Variants in MBP observed in about 807,000 individuals in gnomAD.
MBP encodes the protein Golli-MBP.
MBP carries 16 observed loss-of-function variants against 35.8 expected under a neutral mutation model. That is an observed-to-expected ratio of 0.45 (90% CI 0.30 to 0.68). The LOEUF (loss-of-function observed/expected upper bound fraction) is 0.68. Ranked by LOEUF, MBP falls within the 30% of genes least tolerant of loss-of-function variation. The pLI, the probability that MBP is intolerant of heterozygous loss-of-function variation, is 0.08. For synonymous variants in MBP, 143 were observed against 159.6 expected, an observed-to-expected ratio of 0.90 and a Z score of 0.78; for missense variants, 380 against 404.7, an observed-to-expected ratio of 0.94 and a Z score of 0.52.
intron 2 of MBP, among the ~76,000 whole-genome samples, chr18:77,068,120 G>A (rs748233761): frequency 6.6e-6 from 1 of 152,058 alleles, no homozygotes; most frequent in African/African-American, 2.4e-5. Flanking sequence ...CAATGTTTAC[G>A]GCATTGTTTC....
chr18:77,032,265 A>G (rs1374327124), intron 3 of MBP, among the ~76,000 whole-genome samples: 1 of 152,206 alleles, frequency 6.6e-6, no homozygotes, highest in Non-Finnish European at 1.5e-5. Context: ...GGAAACAAAA[A>G]GGGCCATGGT....
chr18:77,027,269 G>A (rs1421272309), intron 3 of MBP, among the ~76,000 whole-genome samples: 1 of 152,196 alleles, frequency 6.6e-6, no homozygotes, highest in African/African-American at 2.4e-5. Flanking sequence ...AGAATGGGAA[G>A]AGCCTGTCCT....
chr18:77,080,808 C>T (rs1017380581), intron 2 of MBP, among the ~76,000 whole-genome samples: 4 of 152,100 alleles, frequency 2.6e-5, no homozygotes, highest in Non-Finnish European at 2.9e-5. Context: ...CTCAGCCTCC[C>T]GAGTAGCTGG....
At chr18:77,001,844 C>T (rs1012074988) in intron 4 of MBP, among the ~76,000 whole-genome samples, 7 of 151,944 alleles carry the variant, frequency 4.6e-5, no homozygotes, top group Non-Finnish European at 8.8e-5. Flanking sequence ...AGTGAGACTT[C>T]ATCTCAAAAA....
At chr18:77,091,833 T>A (rs760278240) in intron 2 of MBP, among the ~76,000 whole-genome samples, 10 of 151,946 alleles carry the variant, frequency 6.6e-5, no homozygotes, top group Non-Finnish European at 1.5e-4. Flanking sequence ...CGCACATGTA[T>A]ACACACCACA....
At position 77,075,092 on chromosome 18, in the gene MBP, T is replaced by G. The variant is rs1205604562; in HGVS notation, c.52-8707A>C. 2.0e-5 allele frequency among the ~76,000 whole-genome samples: 3 copies of G among 152,288 alleles called. No individual in the cohort carries two copies. In the East Asian group the frequency reaches 5.8e-4, roughly 29 times the overall value. On this transcript the variant is annotated intron_variant, in intron 2 of 8. Coordinates refer to ENST00000355994, the MANE Select transcript of MBP (RefSeq NM_001025101.2). ...GCTTCTGAGATCTCAATCCCTCCTC[T>G]CCAAGATCCAGAATGGAGGAGAAAG... is the stretch of plus-strand genomic sequence containing the variant.
At chr18:76,997,556 T>A (rs1970341678) in intron 4 of MBP, among the ~76,000 whole-genome samples, 1 of 152,246 alleles carries the variant, frequency 6.6e-6, no homozygotes, top group African/African-American at 2.4e-5. Flanking sequence ...TGGGTTTTGG[T>A]TTATGTTCCT....
At chr18:77,133,356 G>C (rs940957825), upstream of MBP, among the ~76,000 whole-genome samples, 1 of 152,070 alleles carries the variant, frequency 6.6e-6, no homozygotes, top group Non-Finnish European at 1.5e-5. Flanking sequence ...AGCTAGGGGC[G>C]CACCTTCTCC....
intron 4 of MBP, among the ~76,000 whole-genome samples, chr18:77,007,788 T>G (rs575594945): frequency 6.6e-6 from 1 of 152,256 alleles, no homozygotes; most frequent in South Asian, 2.1e-4. Flanking sequence ...TGTCCTGGAG[T>G]GTGAGCCTCA....
At chr18:77,092,965 C>G (rs1225065394) in intron 2 of MBP, 1 of 152,250 alleles carries the variant, frequency 6.6e-6, no homozygotes, top group African/African-American at 2.4e-5. Flanking sequence ...CCATCACTTA[C>G]ACGCAGCAAC....
intron 4 of MBP, chr18:77,005,002 C>G (rs148869469): frequency 1.3e-5 from 2 of 152,220 alleles, no homozygotes; most frequent in African/African-American, 2.4e-5. Flanking sequence ...CCTCTTGGCA[C>G]GAAACCTTGT....
chr18:76,998,321 G>T (rs1970432259), intron 4 of MBP, among the ~76,000 whole-genome samples: 1 of 89,600 alleles, frequency 1.1e-5, no homozygotes, highest in African/African-American at 4.7e-5. Flanking sequence ...CCGTGCTGCG[G>T]CCCCCGTCAG....
intron 4 of MBP, chr18:77,004,844 G>C (rs1970840513): frequency 2.0e-5 from 3 of 152,338 alleles, no homozygotes; most frequent in Non-Finnish European, 2.9e-5. Flanking sequence ...GCTGGATGCA[G>C]AGATTCAGAT....
intron 3 of MBP, among the ~76,000 whole-genome samples, chr18:77,039,342 G>A (rs924329532): frequency 6.6e-6 from 1 of 152,190 alleles, no homozygotes; most frequent in African/African-American, 2.4e-5. Context: ...GACAGTTAAC[G>A]CAACACAACT....
chr18:77,009,234 G>A (rs1452822940), intron 4 of MBP, among the ~76,000 whole-genome samples: 1 of 152,164 alleles, frequency 6.6e-6, no homozygotes, highest in African/African-American at 2.4e-5. Context: ...TTCTTTGTGA[G>A]TGCTCCTGGC....
At chr18:77,082,066 A>G (rs1358633715) in intron 2 of MBP, among the ~76,000 whole-genome samples, 3 of 151,184 alleles carry the variant, frequency 2.0e-5, no homozygotes, top group African/African-American at 7.3e-5. Flanking sequence ...GTTAGCCGGG[A>G]TGGTTTCGAT....
chr18:76,987,798 G>A (rs1455033817), intron 7 of MBP: 3 of 1,022,716 alleles, frequency 2.9e-6, no homozygotes, highest in Non-Finnish European at 3.5e-6. Context: ...TGTAAGTTTG[G>A]TTAGAATATA....
chr18:77,069,474 A>G (rs953259831), intron 2 of MBP, among the ~76,000 whole-genome samples: 1 of 152,226 alleles, frequency 6.6e-6, no homozygotes, highest in African/African-American at 2.4e-5. Context: ...TATTGATCAT[A>G]GATGCATTTT....
chr18:77,057,510 C>G (rs149311480), intron 3 of MBP, among the ~76,000 whole-genome samples: 89 of 152,256 alleles, frequency 5.8e-4, no homozygotes, highest in African/African-American at 2.1e-3. Flanking sequence ...ACCGAATATT[C>G]CCACGGAAAG....
Sources: allele counts gnomAD v4.1 joint callset (sites outside exome capture counted in the v4.1 genomes callset), GRCh38; gene constraint gnomAD v4.1.1; transcripts MANE v1.5; gene names NCBI Gene and HGNC (gene_info 2026-07-23, HGNC 2026-07-21).